Variants in ADCY9 observed in about 807,000 individuals in gnomAD.
ADCY9 encodes the protein adenylate cyclase type 9.
A neutral mutation model predicts 101.5 loss-of-function variants in ADCY9; 50 were observed. The observed-to-expected ratio is 0.49, with a 90% CI of 0.39 to 0.62. The LOEUF is 0.62. Ranked by LOEUF, ADCY9 falls within the 20% of genes least tolerant of loss-of-function variation. The pLI is 0.00. For missense variants in ADCY9, 1,662 were observed against 1,800.4 expected, an observed-to-expected ratio of 0.92 and a Z score of 1.39; for synonymous variants, 905 against 769.3, an observed-to-expected ratio of 1.18 and a Z score of -2.92.
chr16:4,067,564 G>A (rs1233869143), intron 2 of ADCY9, among the ~76,000 whole-genome samples: 5 of 152,022 alleles, frequency 3.3e-5, no homozygotes, highest in Non-Finnish European at 7.4e-5. Context: ...CACCCTCCAG[G>A]GACAGCTGAG....
At chr16:4,113,497 C>A (rs780929722) in intron 2 of ADCY9, among the ~76,000 whole-genome samples, 48 of 152,174 alleles carry the variant, frequency 3.2e-4, no homozygotes, top group Non-Finnish European at 5.7e-4. Context: ...TGGTTATGCA[C>A]GTTCAAAGTT....
intron 5 of ADCY9, among the ~76,000 whole-genome samples, chr16:3,956,262 T>A (rs2055905652): frequency 1.3e-5 from 2 of 152,082 alleles, no homozygotes; most frequent in African/African-American, 4.8e-5. Context: ...TTATATTCTA[T>A]GATAATTCAA....
intron 10 of ADCY9, among the ~76,000 whole-genome samples, chr16:3,971,751 G>C (rs556956134): frequency 6.6e-6 from 1 of 152,082 alleles, no homozygotes; most frequent in African/African-American, 2.4e-5. Context: ...TCCCCTTTAG[G>C]AGCAGGTGTC....
chr16:4,087,332 C>G lies in ADCY9; in HGVS notation c.1693+26418G>C, dbSNP rs192271983. ...GGCAGACTGGTTGAGACCAGGAGTT[C>G]GAGACCAGCCTGGCCAACACAGCAA... On this transcript the variant is annotated intron_variant, in intron 2 of 10. Coordinates refer to ENST00000294016, the MANE Select transcript of ADCY9 (RefSeq NM_001116.4). 2.6e-5 allele frequency among the ~76,000 whole-genome samples: 4 copies of G among 151,812 alleles called. No individual in the cohort carries two copies. The East Asian group carries it at 7.7e-4, about 29-fold the overall frequency.
chr16:3,997,150 C>A (rs749913051), intron 3 of ADCY9, among the ~76,000 whole-genome samples: 5 of 152,230 alleles, frequency 3.3e-5, no homozygotes, highest in Non-Finnish European at 5.9e-5. Context: ...CAGGCGTGAG[C>A]CACCGTGCCC....
chr16:4,089,083 A>C (rs1025655908), intron 2 of ADCY9, among the ~76,000 whole-genome samples: 2 of 151,798 alleles, frequency 1.3e-5, no homozygotes, highest in Admixed American at 6.6e-5. Flanking sequence ...AAAACGTGGC[A>C]TTTGGGTTTT....
Position 4,055,742 on chromosome 16 carries a change from G to A in ADCY9, c.1694-48184C>T, listed in dbSNP as rs563736156. On this transcript the variant is annotated intron_variant, in intron 2 of 10. Transcript: ENST00000294016. Reference sequence around the variant, plus strand: ...CCAGCTACTTGGGAGGCTGAGGCAGGAGAACGGCATGAACCCAGAAGGCAG... The same window carrying A: ...CCAGCTACTTGGGAGGCTGAGGCAGAAGAACGGCATGAACCCAGAAGGCAG... 2.9e-3 allele frequency among the ~76,000 whole-genome samples: 446 copies of A among 152,228 alleles called. 3 individuals are homozygous for A. Among genetic ancestry groups the A allele is most frequent in the Non-Finnish European group, 4.8e-3 (327 of 68,012 alleles).
At chr16:4,093,780 G>T (rs1389228238) in intron 2 of ADCY9, among the ~76,000 whole-genome samples, 2 of 152,032 alleles carry the variant, frequency 1.3e-5, no homozygotes, top group African/African-American at 2.4e-5. Context: ...TTAATTAATT[G>T]TTTAAAAAAT....
chr16:4,014,456 G>GTT, intron 2 of ADCY9, among the ~76,000 whole-genome samples: 1 of 149,706 alleles, frequency 6.7e-6, no homozygotes, highest in East Asian at 2.0e-4. Flanking sequence ...AAATTTTTTT[G>GTT]TTTTTTTTTG....
downstream of ADCY9, among the ~76,000 whole-genome samples, chr16:3,960,164 C>T (rs1221593243): frequency 6.6e-6 from 1 of 152,200 alleles, no homozygotes; most frequent in African/African-American, 2.4e-5. Flanking sequence ...CATCTCTCCT[C>T]TGGTTACCGT....
chr16:4,115,920 C>T lies in ADCY9; in HGVS notation c.-274G>A. On this transcript the variant is annotated 5_prime_UTR_variant, in exon 1 of 11. An upstream start codon of the reference 5' UTR is lost. Transcript: ENST00000294016. This position sits in a 1 kb window ranked among gnomAD's most constrained non-coding sequence, Gnocchi z 6.2. ...ACTCCGCTGGCGGCGCGGAGCCCTC[C>T]ATCCTGCAGGAGCCGCGCTCCGATG... The T allele has an allele frequency of 2.6e-6, 1 of 390,074 alleles. No individual in the cohort carries two copies. The highest frequency in any genetic ancestry group is 6.5e-4 in the Middle Eastern group (1 of 1,546). The allele number at this position is 390,074 out of a possible 1,614,324, so 24.2% of individuals were successfully genotyped here. A position where few individuals can be genotyped will look rare whatever the true frequency, so the allele number is the denominator to read the frequency against.
At chr16:4,068,014 T>C (rs1022148791) in intron 2 of ADCY9, among the ~76,000 whole-genome samples, 2 of 152,170 alleles carry the variant, frequency 1.3e-5, no homozygotes, top group African/African-American at 4.8e-5. Context: ...TTTTGGGATT[T>C]GAGGTCTTCA....
At chr16:3,954,532 C>G (rs924300545) in intron 5 of ADCY9, among the ~76,000 whole-genome samples, 2 of 152,168 alleles carry the variant, frequency 1.3e-5, no homozygotes, top group African/African-American at 2.4e-5. Flanking sequence ...TTAGTGGCAG[C>G]TTACAGGGAA....
intron 3 of ADCY9, among the ~76,000 whole-genome samples, chr16:3,995,759 A>C (rs1183225090): frequency 6.6e-6 from 1 of 152,210 alleles, no homozygotes; most frequent in Non-Finnish European, 1.5e-5. Context: ...TTAAAGTTAG[A>C]CTGCAGACCT....
rs1815479081 is a variant in ADCY9 at position 3,963,380 on chromosome 16, C to T, written c.*2395G>A. On this transcript the variant is annotated 3_prime_UTR_variant, in exon 11 of 11. Coordinates refer to ENST00000294016, the MANE Select transcript of ADCY9 (RefSeq NM_001116.4). Reference sequence around the variant, plus strand: ...AGACAAGAGATGCACGGCGTTTCCGCTGCAGAGATTCTGTGGTTCTGCACT... The same window carrying T: ...AGACAAGAGATGCACGGCGTTTCCGTTGCAGAGATTCTGTGGTTCTGCACT... 7.5e-6 allele frequency: 3 copies of T among 398,804 alleles called. No individual in the cohort carries two copies. The highest frequency in any genetic ancestry group is 1.3e-5 in the Non-Finnish European group (3 of 225,974). The allele number at this position is 398,804 out of a possible 1,614,324, so 24.7% of individuals were successfully genotyped here.
At chr16:4,025,973 C>A (rs547542656) in intron 2 of ADCY9, among the ~76,000 whole-genome samples, 1 of 152,076 alleles carries the variant, frequency 6.6e-6, no homozygotes, top group Non-Finnish European at 1.5e-5. Flanking sequence ...TGACAGTGGG[C>A]GCTGGCTCTT....
chr16:4,101,618 C>T (rs958280845), intron 2 of ADCY9, among the ~76,000 whole-genome samples: 1 of 152,158 alleles, frequency 6.6e-6, no homozygotes, highest in African/African-American at 2.4e-5. Context: ...CCTTTCTAGG[C>T]GTCATGCCCC....
chr16:3,974,521 C>A lies in ADCY9; in HGVS notation c.2870+148G>T, dbSNP rs55659618. On this transcript the variant is annotated intron_variant, in intron 10 of 10. Coordinates refer to ENST00000294016, the MANE Select transcript of ADCY9 (RefSeq NM_001116.4). ...ACATTATAACTATGATACAGTTCAA[C>A]GAGGAGATATTTTCCACTTTCTATT... 220 of 602,026 alleles carry A rather than the reference C, an allele frequency of 3.7e-4. No individual in the cohort carries two copies. In the South Asian group the frequency reaches 4.7e-3, roughly 13 times the overall value. The allele number at this position is 602,026 out of a possible 1,614,324, so 37.3% of individuals were successfully genotyped here.
Position 3,965,676 on chromosome 16 carries a change from G to T in ADCY9, c.*99C>A. On this transcript the variant is annotated 3_prime_UTR_variant, in exon 11 of 11. Transcript: ENST00000294016. ...GAAATGACCACATAACACCACGTCC[G>T]GGGAGGGCAACTGTGGCGCTTGGAA... is the stretch of plus-strand genomic sequence containing the variant. 9.0e-7 allele frequency: 1 copy of T among 1,114,628 alleles called. No homozygotes were observed. Among genetic ancestry groups the T allele is most frequent in the South Asian group, 1.5e-5 (1 of 66,998 alleles). 69.0% of individuals were successfully genotyped at this position (1,114,628 alleles called of 1,614,324 possible). A position where few individuals can be genotyped will look rare whatever the true frequency, so the allele number is the denominator to read the frequency against.
Sources: gnomAD v4.1 joint callset for allele counts (sites outside exome capture counted in the v4.1 genomes callset) on GRCh38, gnomAD v4.1.1 for gene constraint, Gnocchi (gnomAD v3.1) non-coding constraint, MANE v1.5 for transcripts, NCBI Gene and HGNC (gene_info 2026-07-23, HGNC 2026-07-21) for gene names.